CSMD3: variants seen among roughly 807,000 people sequenced by gnomAD.
CSMD3 encodes the protein CUB and sushi domain-containing protein 3.
In CSMD3, 177 loss-of-function variants were observed where a neutral mutation model predicts 435.2. The ratio of observed to expected loss-of-function variants is 0.41; its 90% CI spans 0.36 to 0.46. The LOEUF (loss-of-function observed/expected upper bound fraction) is 0.46. CSMD3 is among the 20% of genes least tolerant of loss of function. The probability of loss-of-function intolerance (pLI) is 0.34; values close to 1 mark genes in which losing one functional copy is unlikely to be tolerated. For missense variants in CSMD3, 4,265 were observed against 4,504.6 expected (o/e 0.95, Z 1.52); for synonymous variants, 1,656 against 1,520.5 (o/e 1.09, Z -2.07).
At chr8:113,160,376 T>G (rs1484786943) in intron 4 of CSMD3, among the ~76,000 whole-genome samples, 1 of 152,096 alleles carries the variant, frequency 6.6e-6, no homozygotes, top group Admixed American at 6.6e-5. Flanking sequence ...ATGATGGTAA[T>G]ATATTTTTAA....
At chr8:112,342,313 G>A (rs1825202172) in intron 41 of CSMD3, among the ~76,000 whole-genome samples, 1 of 151,894 alleles carries the variant, frequency 6.6e-6, no homozygotes, top group Non-Finnish European at 1.5e-5. Context: ...ATCTTTATAA[G>A]CATAACTAAA....
At chr8:113,026,083 A>G (rs1263824285) in intron 5 of CSMD3, among the ~76,000 whole-genome samples, 1 of 152,194 alleles carries the variant, frequency 6.6e-6, no homozygotes, top group Non-Finnish European at 1.5e-5. Flanking sequence ...ACTCTGGAGC[A>G]ATGCAGCCAT....
At position 112,292,718 on chromosome 8, in the gene CSMD3, G is replaced by T; in HGVS notation, c.8615-8C>A. The stretch of plus-strand genomic sequence containing the variant: ...GGTGACCACAGCTAACAGCTAATAA[G>T]ATGTGGCAGGAGGACAGGGAAGGAA... On this transcript the variant is annotated splice_polypyrimidine_tract_variant and splice_region_variant and intron_variant, in intron 54 of 70. Coordinates refer to ENST00000297405, the MANE Select transcript of CSMD3 (RefSeq NM_198123.2). 6.2e-7 allele frequency: 1 copy of T among 1,612,840 alleles called. No homozygotes were observed. Among genetic ancestry groups the T allele is most frequent in the Non-Finnish European group, 8.5e-7 (1 of 1,178,968 alleles).
intron 14 of CSMD3, among the ~76,000 whole-genome samples, chr8:112,686,040 G>T (rs1419479255): frequency 6.6e-6 from 1 of 152,042 alleles, no homozygotes; most frequent in African/African-American, 2.4e-5. Context: ...TTTAAAAAGT[G>T]AAAAAATATA....
chr8:112,669,743 T>C (rs2075613193), intron 16 of CSMD3, among the ~76,000 whole-genome samples: 1 of 152,188 alleles, frequency 6.6e-6, no homozygotes, highest in Admixed American at 6.5e-5. Flanking sequence ...TGTGTGCCTG[T>C]GTGGCATTTG....
intron 59 of CSMD3, among the ~76,000 whole-genome samples, chr8:112,280,174 A>G (rs1216153427): frequency 1.3e-5 from 2 of 152,178 alleles, no homozygotes; most frequent in Non-Finnish European, 2.9e-5. Flanking sequence ...TCCAAACTGC[A>G]ATACAAAAGG....
chr8:112,293,176 A>C (rs1157334424), intron 54 of CSMD3, among the ~76,000 whole-genome samples: 1 of 152,012 alleles, frequency 6.6e-6, no homozygotes, highest in East Asian at 1.9e-4. Flanking sequence ...GGATTGCTTG[A>C]GGAGAAGAGT....
chr8:113,293,912 C>T (rs190052251), intron 2 of CSMD3, among the ~76,000 whole-genome samples: 2 of 152,150 alleles, frequency 1.3e-5, no homozygotes, highest in Non-Finnish European at 2.9e-5. Context: ...TACTACCTTA[C>T]TGATGATAAA....
At chr8:113,233,399 A>G (rs1008632618) in intron 3 of CSMD3, among the ~76,000 whole-genome samples, 4 of 151,224 alleles carry the variant, frequency 2.6e-5, no homozygotes, top group Non-Finnish European at 4.4e-5. Flanking sequence ...AAATGTTCCT[A>G]GAAATTAAAA....
chr8:112,966,822 C>T (rs2084434266), intron 7 of CSMD3, among the ~76,000 whole-genome samples: 1 of 151,820 alleles, frequency 6.6e-6, no homozygotes. Flanking sequence ...TAAAATATCC[C>T]TTGCACTCAT....
intron 1 of CSMD3, among the ~76,000 whole-genome samples, chr8:113,379,870 G>C (rs2094407621): frequency 2.0e-5 from 3 of 152,112 alleles, no homozygotes; most frequent in Admixed American, 2.0e-4. Flanking sequence ...TTTTGCACTA[G>C]AGTACACCCT....
intron 49 of CSMD3, among the ~76,000 whole-genome samples, chr8:112,312,443 A>AG (rs779508927): frequency 1.1e-4 from 17 of 152,034 alleles, no homozygotes; most frequent in African/African-American, 3.6e-4. Flanking sequence ...TTTAGTAGAG[A>AG]GGGGGTGTCA....
chr8:113,074,728 T>C (rs1467031174), intron 5 of CSMD3, among the ~76,000 whole-genome samples: 2 of 151,806 alleles, frequency 1.3e-5, no homozygotes, highest in Non-Finnish European at 3.0e-5. Flanking sequence ...ACAACAGATA[T>C]TGCACAACTG....
Position 113,022,755 on chromosome 8 carries a change from CTT to C in CSMD3, c.918-3578_918-3577del, listed in dbSNP as rs149934506. Among the ~76,000 whole-genome samples the C allele has an allele frequency of 8.3e-3, 1,253 of 151,682 alleles. 30 individuals are homozygous for C. The highest frequency in any genetic ancestry group is 0.029 in the African/African-American group (1,185 of 41,496). ...TTGTATCAGAAAATTTGACGTGTCT[CTT>C]GAGTAATAAATACATTGTAATGGAA... On this transcript the variant is annotated intron_variant, in intron 5 of 70. Transcript: ENST00000297405.
intron 32 of CSMD3, among the ~76,000 whole-genome samples, chr8:112,422,462 A>C (rs1812623675): frequency 6.6e-6 from 1 of 152,190 alleles, no homozygotes; most frequent in Non-Finnish European, 1.5e-5. Flanking sequence ...TTTTATTTTC[A>C]CAATTGTTAC....
chr8:112,913,206 T>G (rs2082476199), intron 10 of CSMD3, among the ~76,000 whole-genome samples: 1 of 151,960 alleles, frequency 6.6e-6, no homozygotes, highest in South Asian at 2.1e-4. Context: ...TGGAAGATAA[T>G]TATTCCATGG....
chr8:112,498,579 C>T (rs1488983478), intron 30 of CSMD3, among the ~76,000 whole-genome samples: 1 of 152,052 alleles, frequency 6.6e-6, no homozygotes, highest in East Asian at 1.9e-4. Flanking sequence ...TCAGTTAGTA[C>T]CATCTACCAT....
chr8:112,923,148 T>C (rs1314778233), intron 9 of CSMD3, among the ~76,000 whole-genome samples: 5 of 152,144 alleles, frequency 3.3e-5, no homozygotes, highest in African/African-American at 1.2e-4. Flanking sequence ...ATTCATATGA[T>C]TGCAATAGTC....
chr8:112,880,597 A>T (rs2081418786), intron 10 of CSMD3, among the ~76,000 whole-genome samples: 1 of 151,816 alleles, frequency 6.6e-6, no homozygotes, highest in African/African-American at 2.4e-5. Context: ...ATACAGAAAA[A>T]CTCTGGAATT....
Sources: gnomAD v4.1 joint callset for allele counts (sites outside exome capture counted in the v4.1 genomes callset) on GRCh38, gnomAD v4.1.1 for gene constraint, MANE v1.5 for transcripts, NCBI Gene and HGNC (gene_info 2026-07-23, HGNC 2026-07-21) for gene names.